Variants in ME3 observed in about 807,000 individuals in gnomAD.
ME3 encodes malic enzyme 3, also known as NADP-dependent malic enzyme, mitochondrial.
ME3 carries 48 observed loss-of-function variants against 68.9 expected under a neutral mutation model. The observed-to-expected ratio is 0.70, with a 90% CI of 0.55 to 0.89. The LOEUF is 0.89. Ranked by LOEUF, ME3 falls within the 40% of genes least tolerant of loss-of-function variation. ME3 has a pLI of 0.00. For missense variants in ME3, 675 were observed against 797.4 expected (o/e 0.85, Z 1.85); for synonymous variants, 320 against 318.8 (o/e 1.00, Z -0.04).
At chr11:86,495,003 T>C (rs1565858537) in intron 6 of ME3, among the ~76,000 whole-genome samples, 1 of 152,260 alleles carries the variant, frequency 6.6e-6, no homozygotes, top group Non-Finnish European at 1.5e-5. Context: ...ATTTCCTTTT[T>C]CTTTAAAATT....
At chr11:86,627,289 C>A (rs572874437) in intron 2 of ME3, among the ~76,000 whole-genome samples, 2 of 152,204 alleles carry the variant, frequency 1.3e-5, no homozygotes, top group East Asian at 1.9e-4. Flanking sequence ...ATTTAGAAAA[C>A]AACTTGTATA....
rs117926621 is a variant in ME3 at position 86,521,968 on chromosome 11, G to A, written c.468-13101C>T. ...GTGGATTGAAAATACTAGGAAAAAA[G>A]GCCGGGCATGGTGACTCATACCTGT... On this transcript the variant is annotated intron_variant, in intron 4 of 14. Coordinates refer to ENST00000543262, the Ensembl canonical transcript of ME3. Among the ~76,000 whole-genome samples, 1,458 of 152,300 alleles carry A rather than the reference G, an allele frequency of 9.6e-3. 11 individuals are homozygous for A. The highest frequency in any genetic ancestry group is 0.016 in the Non-Finnish European group (1,102 of 68,028).
At chr11:86,657,029 A>T (rs1020330402) in intron 2 of ME3, among the ~76,000 whole-genome samples, 5 of 152,214 alleles carry the variant, frequency 3.3e-5, no homozygotes, top group African/African-American at 1.2e-4. Context: ...GGGAGTGCAA[A>T]TTAATTTAAC....
chr11:86,567,131 C>T (rs561144525), intron 2 of ME3, among the ~76,000 whole-genome samples: 29 of 152,046 alleles, frequency 1.9e-4, no homozygotes, highest in African/African-American at 6.0e-4. Flanking sequence ...GCAGGAAAAT[C>T]GCATGAAACT....
chr11:86,599,344 G>C (rs1199157672), intron 2 of ME3, among the ~76,000 whole-genome samples: 2 of 152,316 alleles, frequency 1.3e-5, no homozygotes, highest in South Asian at 4.1e-4. Context: ...TGGAAGAAAG[G>C]ATATCAGTGA....
intron 2 of ME3, among the ~76,000 whole-genome samples, chr11:86,562,703 A>G (rs1490608207): frequency 6.6e-6 from 1 of 152,066 alleles, no homozygotes; most frequent in Non-Finnish European, 1.5e-5. Context: ...ATACAGGGGT[A>G]CATGCGCAGG....
intron 4 of ME3, among the ~76,000 whole-genome samples, chr11:86,518,491 A>G (rs1057173550): frequency 1.3e-5 from 2 of 152,206 alleles, no homozygotes; most frequent in African/African-American, 4.8e-5. Context: ...TTGTCCTGTC[A>G]TTTCTTCTCG....
chr11:86,603,783 A>G (rs1050744413), intron 2 of ME3, among the ~76,000 whole-genome samples: 17 of 152,138 alleles, frequency 1.1e-4, no homozygotes, highest in Admixed American at 1.1e-3. Flanking sequence ...TGATGTGTTC[A>G]TGTCCTTTGT....
chr11:86,550,951 CA>C (rs2139412391), intron 4 of ME3, among the ~76,000 whole-genome samples: 1 of 151,930 alleles, frequency 6.6e-6, no homozygotes, highest in South Asian at 2.1e-4. Flanking sequence ...ATTCATGTCC[CA>C]GGGGTCCCTC....
chr11:86,441,733 C>T (rs538089775), intron 14 of ME3, among the ~76,000 whole-genome samples: 5 of 152,304 alleles, frequency 3.3e-5, no homozygotes, highest in African/African-American at 1.2e-4. Flanking sequence ...TGCTGAGCCT[C>T]AGTTTCCTCA....
chr11:86,481,541 A>G (rs888047451), intron 7 of ME3, among the ~76,000 whole-genome samples: 18 of 152,296 alleles, frequency 1.2e-4, no homozygotes, highest in Admixed American at 1.2e-3. Flanking sequence ...CAGTATTAGC[A>G]TATTAGACCC....
intron 2 of ME3, among the ~76,000 whole-genome samples, chr11:86,598,308 G>C (rs1043697249): frequency 6.6e-6 from 1 of 152,236 alleles, no homozygotes; most frequent in Non-Finnish European, 1.5e-5. Context: ...TCCCGCACCT[G>C]GCTTGGAGGG....
intron 4 of ME3, among the ~76,000 whole-genome samples, chr11:86,548,717 C>T (rs1305204089): frequency 6.6e-6 from 1 of 152,116 alleles, no homozygotes; most frequent in Admixed American, 6.5e-5. Context: ...TTGGAAGGAG[C>T]CCTGAGATCA....
chr11:86,670,375 C>T lies in ME3; in HGVS notation c.183+1387G>A, dbSNP rs140121607. ...AGAGTAGAGAGCCAGAGAGAATCTG[C>T]ATCTTGAGCAATGCCATCTGGGCTT... On this transcript the variant is annotated intron_variant, in intron 2 of 14. Coordinates refer to ENST00000543262, the Ensembl canonical transcript of ME3. Among the ~76,000 whole-genome samples, 130 of 152,328 alleles carry T rather than the reference C, an allele frequency of 8.5e-4. 1 individual carries two copies. Among genetic ancestry groups the T allele is most frequent in the Middle Eastern group, 3.4e-3 (1 of 294 alleles).
In ME3 at chr11:86,617,045, GTTTTTTTTTTTTTTTTTT is replaced by G. The variant is rs563738961; in HGVS notation, c.183+54699_183+54716del. Among the ~76,000 whole-genome samples, 24 of 56,322 alleles carry G rather than the reference GTTTTTTTTTTTTTTTTTT, an allele frequency of 4.3e-4. No individual in the cohort carries two copies. The South Asian group carries it at 0.011, about 26-fold the overall frequency. 36.9% of individuals were successfully genotyped at this position (56,322 alleles called of 152,430 possible). Reference sequence around the variant, plus strand: ...ACATCTAAAATACTCCAAGATAGTAGTTTTTTTTTTTTTTTTTTTTTTTTTTTTTTTTTAAAGATGAAG... The same window carrying G: ...ACATCTAAAATACTCCAAGATAGTAGTTTTTTTTTTTTTTTAAAGATGAAG... On this transcript the variant is annotated intron_variant, in intron 2 of 14. Transcript: ENST00000543262.
At chr11:86,450,687 G>T (rs1016937166) in intron 8 of ME3, among the ~76,000 whole-genome samples, 2 of 152,124 alleles carry the variant, frequency 1.3e-5, no homozygotes, top group African/African-American at 4.8e-5. Context: ...AAATGACAAG[G>T]ATAAATATAA....
At position 86,671,877 on chromosome 11, in the gene ME3, G is replaced by A. The variant is rs780803128; in HGVS notation, c.68C>T (p.Pro23Leu). Residue 23 changes from proline (P) to leucine (L), a missense_variant, in exon 2 of 15, where the codon CCG (proline) becomes CTG (leucine). Physicochemically the swap from Pro to Leu is moderately conservative, Grantham distance 98. Coordinates refer to ENST00000543262, the Ensembl canonical transcript of ME3. ...GGCGGGCGCGGTGGGTGTCCAGCGC[G>A]GGAGGGCGCCGCAGGCCCGGCCCGG... 4 of 1,557,286 alleles carry A rather than the reference G, an allele frequency of 2.6e-6. No individual in the cohort carries two copies. The Admixed American group carries it at 6.0e-5, about 23-fold the overall frequency.
intron 7 of ME3, among the ~76,000 whole-genome samples, chr11:86,471,141 CTTT>C (rs1163128094): frequency 0.023 from 1,719 of 74,626 alleles, 5 homozygotes; most frequent in African/African-American, 0.076. Flanking sequence ...AGGCCCAGAG[CTTT>C]TTTTTTTTTT....
At chr11:86,548,822 A>G (rs9645703) in intron 4 of ME3, among the ~76,000 whole-genome samples, 37,342 of 151,974 alleles carry the variant, frequency 0.25, 4,720 homozygotes, top group African/African-American at 0.3. Flanking sequence ...AGGAACCCAT[A>G]TTTCATGACT....
Sources: gnomAD v4.1 joint callset for allele counts (sites outside exome capture counted in the v4.1 genomes callset) on GRCh38, gnomAD v4.1.1 for gene constraint, MANE v1.5 for transcripts, NCBI Gene and HGNC (gene_info 2026-07-23, HGNC 2026-07-21) for gene names.